The following FOCAD variants were observed in gnomAD, a reference collection of about 807,000 sequenced individuals.
FOCAD encodes focadhesin, also known as KIAA1797.
FOCAD carries 198 observed loss-of-function variants against 225.6 expected under a neutral mutation model. That is an observed-to-expected ratio of 0.88 (90% CI 0.78 to 0.99). The LOEUF (loss-of-function observed/expected upper bound fraction) is 0.99. Ranked by LOEUF, FOCAD falls within the 50% of genes least tolerant of loss-of-function variation. The pLI is 0.00. For synonymous variants in FOCAD, 897 were observed against 755.0 expected (o/e 1.19, Z -3.08); for missense variants, 2,713 against 2,123.6 (o/e 1.28, Z -5.46).
At chr9:20,705,468 A>G (rs372595397) in intron 1 of FOCAD, among the ~76,000 whole-genome samples, 2 of 152,184 alleles carry the variant, frequency 1.3e-5, no homozygotes, top group African/African-American at 4.8e-5. Flanking sequence ...TACAAGCAAA[A>G]TATCTAAAGT....
intron 15 of FOCAD, among the ~76,000 whole-genome samples, chr9:20,824,175 T>C (rs1824634934): frequency 6.6e-6 from 1 of 152,124 alleles, no homozygotes; most frequent in Non-Finnish European, 1.5e-5. Flanking sequence ...ATACCACACA[T>C]GCCCAAGGAC....
At chr9:20,890,432 A>G (rs995595033) in intron 21 of FOCAD, among the ~76,000 whole-genome samples, 8 of 150,978 alleles carry the variant, frequency 5.3e-5, no homozygotes, top group Admixed American at 4.0e-4. Flanking sequence ...TTCTGTATCA[A>G]TTGAGATGAT....
rs533105927 is a variant in FOCAD at position 20,783,735 on chromosome 9, T to A, written c.1197+1806T>A. Among the ~76,000 whole-genome samples the A allele has an allele frequency of 2.2e-4, 33 of 152,048 alleles. 1 individual carries two copies. In the South Asian group the frequency reaches 6.4e-3, roughly 30 times the overall value. On this transcript the variant is annotated intron_variant, in intron 10 of 43. Transcript: ENST00000338382. ...TAAATATTAAAAAAAGTAAAAAAAA[T>A]TGAACACTAATTGTAAATTCTAAAG...
In FOCAD at chr9:20,764,938, A is replaced by G. The variant is rs780960707; in HGVS notation, c.564A>G (p.Leu188=). 1 of 1,614,174 alleles carries G rather than the reference A, an allele frequency of 6.2e-7. No homozygotes were observed. The highest frequency in any genetic ancestry group is 1.1e-5 in the South Asian group (1 of 91,084). The change falls in exon 7 of 44, where the codon TTA becomes TTG. Residue 188 remains leucine (L), a synonymous_variant. Transcript: ENST00000338382. ...LWYLYCEPSQ[L]QEYAKLRLAL... The stretch of plus-strand genomic sequence containing the variant: ...ATCTGTATTGTGAACCATCTCAGTT[A>G]CAAGAATATGCTAAACTCCGACTAG...
chr9:20,714,634 GCCTTCCTT>G (rs749635014), intron 1 of FOCAD, among the ~76,000 whole-genome samples: 4,781 of 119,372 alleles, frequency 0.04, 108 homozygotes, highest in Middle Eastern at 0.053. Context: ...CTGCCTGCCT[GCCTTCCTT>G]CCTTCCTTCC....
At chr9:20,938,929 G>A (rs1836323479) in intron 28 of FOCAD, among the ~76,000 whole-genome samples, 1 of 148,810 alleles carries the variant, frequency 6.7e-6, no homozygotes, top group Non-Finnish European at 1.5e-5. Flanking sequence ...TGATAAAGAT[G>A]GTACTTTTAT....
At chr9:20,676,569 C>T (rs1167869357) in intron 2 of FOCAD, among the ~76,000 whole-genome samples, 1 of 152,208 alleles carries the variant, frequency 6.6e-6, no homozygotes, top group African/African-American at 2.4e-5. Context: ...GTAATGTCAA[C>T]CTGCTTAATA....
chr9:20,943,760 G>T (rs1166367886), intron 28 of FOCAD, among the ~76,000 whole-genome samples: 1 of 152,212 alleles, frequency 6.6e-6, no homozygotes, highest in African/African-American at 2.4e-5. Context: ...GCAAGCCAGA[G>T]TAAGGGTGAT....
At chr9:20,722,270 C>G (rs779316627) in intron 4 of FOCAD, among the ~76,000 whole-genome samples, 1 of 151,996 alleles carries the variant, frequency 6.6e-6, no homozygotes, top group Non-Finnish European at 1.5e-5. Context: ...CAAACTAGAT[C>G]CAGCCTTCTG....
At chr9:20,685,071 C>A (rs924241598) in intron 1 of FOCAD, among the ~76,000 whole-genome samples, 1 of 152,170 alleles carries the variant, frequency 6.6e-6, no homozygotes, top group African/African-American at 2.4e-5. Context: ...GTCATTCATT[C>A]ATACATTCCA....
chr9:20,978,362 C>T lies in FOCAD; in HGVS notation c.4285C>T (p.Leu1429Phe), dbSNP rs1224278160. ...NFGEEIQQLCLEIMVTQAQSS... is the reference protein window; with the variant it reads ...NFGEEIQQLCFEIMVTQAQSS... ...AGGTGAAGAGATCCAGCAACTGTGC[C>T]TTGAAATTATGGTGACCCAGGCACA... is the stretch of plus-strand genomic sequence containing the variant. Residue 1429 changes from leucine (L) to phenylalanine (F), a missense_variant, in exon 37 of 44, where the codon CTT becomes TTT. Coordinates refer to ENST00000338382, the MANE Select transcript of FOCAD (RefSeq NM_001375567.1). 1 of 1,608,040 alleles carries T rather than the reference C, an allele frequency of 6.2e-7. No homozygotes were observed. The highest frequency in any genetic ancestry group is 1.7e-5 in the Admixed American group (1 of 59,408).
chr9:20,893,983 A>G (rs1321423983), intron 21 of FOCAD, among the ~76,000 whole-genome samples: 1 of 152,136 alleles, frequency 6.6e-6, no homozygotes, highest in Non-Finnish European at 1.5e-5. Context: ...TCATTTTAGT[A>G]TCATACACAG....
intron 35 of FOCAD, among the ~76,000 whole-genome samples, chr9:20,970,487 C>A (rs1839671589): frequency 6.6e-6 from 1 of 152,168 alleles, no homozygotes; most frequent in Middle Eastern, 3.4e-3. Flanking sequence ...TTTTTCATTG[C>A]AGTTACTGTA....
chr9:20,733,228 C>T (rs1263798064), intron 4 of FOCAD, among the ~76,000 whole-genome samples: 1 of 152,090 alleles, frequency 6.6e-6, no homozygotes, highest in Non-Finnish European at 1.5e-5. Context: ...AATTAAATGA[C>T]ATGTTTTTGT....
intron 5 of FOCAD, among the ~76,000 whole-genome samples, chr9:20,749,537 CTT>C (rs1053847612): frequency 2.0e-5 from 3 of 152,134 alleles, no homozygotes; most frequent in African/African-American, 7.2e-5. Flanking sequence ...AAAAAAATCT[CTT>C]TTTAGCTTCT....
At chr9:20,757,202 T>C (rs1417329119) in intron 5 of FOCAD, among the ~76,000 whole-genome samples, 1 of 152,234 alleles carries the variant, frequency 6.6e-6, no homozygotes, top group East Asian at 1.9e-4. Flanking sequence ...GTGCTGGGAT[T>C]ACAGGCGTGA....
At chr9:20,923,541 A>G (rs1335720128) in intron 24 of FOCAD, 119 bp from the exon 25 acceptor site, 2 of 656,790 alleles carry the variant, frequency 3.0e-6, no homozygotes, top group East Asian at 2.7e-5. Flanking sequence ...CTGCATTTAC[A>G]AGACTCTGTG....
intron 15 of FOCAD, among the ~76,000 whole-genome samples, chr9:20,831,714 T>A (rs1825510154): frequency 6.6e-6 from 1 of 152,076 alleles, no homozygotes; most frequent in Non-Finnish European, 1.5e-5. Flanking sequence ...TGAGATATAA[T>A]TCATAAATAT....
intron 37 of FOCAD, among the ~76,000 whole-genome samples, chr9:20,981,131 C>T (rs1385957789): frequency 1.3e-5 from 2 of 152,030 alleles, no homozygotes; most frequent in Non-Finnish European, 2.9e-5. Flanking sequence ...CATTTTATTC[C>T]CGTCACTGAA....
Sources: gnomAD v4.1 joint callset for allele counts (sites outside exome capture counted in the v4.1 genomes callset) on GRCh38, gnomAD v4.1.1 for gene constraint, MANE v1.5 for transcripts, NCBI Gene and HGNC (gene_info 2026-07-23, HGNC 2026-07-21) for gene names.